CADPS: variants seen among roughly 807,000 people sequenced by gnomAD.
The protein encoded by CADPS is calcium-dependent secretion activator 1.
Under a neutral mutation model 167.3 loss-of-function variants are expected in CADPS, and 57 were observed. The observed-to-expected ratio is 0.34, with a 90% confidence interval of 0.28 to 0.42. CADPS has a LOEUF of 0.42. CADPS is among the 20% of genes least tolerant of loss of function. The pLI is 1.00. For synonymous variants in CADPS, 676 were observed against 635.3 expected, an observed-to-expected ratio of 1.06 and a Z score of -0.96; for missense variants, 1,414 against 1,738.1, an observed-to-expected ratio of 0.81 and a Z score of 3.32.
intron 17 of CADPS, among the ~76,000 whole-genome samples, chr3:62,511,313 CTACGTTGAATTAAT>C (rs2067772350): frequency 6.6e-6 from 1 of 152,154 alleles, no homozygotes; most frequent in Admixed American, 6.6e-5. Context: ...TGTTTTGCAG[CTACGTTGAATTAAT>C]TACAGAGTAG....
chr3:62,769,772 C>G (rs890856432), intron 1 of CADPS, among the ~76,000 whole-genome samples: 1 of 152,064 alleles, frequency 6.6e-6, no homozygotes, highest in African/African-American at 2.4e-5. Flanking sequence ...AGGAGTTGAG[C>G]GCACAGGCTT....
intron 1 of CADPS, among the ~76,000 whole-genome samples, chr3:62,841,351 C>A (rs1024680737): frequency 6.6e-6 from 1 of 152,164 alleles, no homozygotes; most frequent in South Asian, 2.1e-4. Context: ...TGGGTATTTT[C>A]CCCTTAGAGA....
chr3:62,552,730 T>C, intron 10 of CADPS, among the ~76,000 whole-genome samples: 1 of 152,208 alleles, frequency 6.6e-6, no homozygotes, highest in African/African-American at 2.4e-5. Flanking sequence ...ATTGATAGTT[T>C]TGCACTTGGA....
At chr3:62,440,287 T>C (rs889432443) in intron 27 of CADPS, 3 of 152,146 alleles carry the variant, frequency 2.0e-5, no homozygotes, top group African/African-American at 4.8e-5. Context: ...CTCCCACAAA[T>C]TGGAATTTGT....
chr3:62,570,496 C>A (rs2081085751), intron 9 of CADPS, among the ~76,000 whole-genome samples: 1 of 152,192 alleles, frequency 6.6e-6, no homozygotes, highest in Admixed American at 6.5e-5. Context: ...GTCCCTATAG[C>A]CCTCACTTGG....
At chr3:62,738,524 G>T (rs1410206154) in intron 3 of CADPS, among the ~76,000 whole-genome samples, 2 of 152,080 alleles carry the variant, frequency 1.3e-5, no homozygotes, top group Non-Finnish European at 2.9e-5. Context: ...AGGAGATCAA[G>T]ATCAGCCTGG....
intron 18 of CADPS, among the ~76,000 whole-genome samples, chr3:62,495,447 T>C (rs1387202008): frequency 1.3e-5 from 2 of 152,226 alleles, no homozygotes; most frequent in Non-Finnish European, 2.9e-5. Flanking sequence ...TACAGGTGAA[T>C]GCTATTTTTG....
intron 6 of CADPS, among the ~76,000 whole-genome samples, chr3:62,619,629 C>T (rs1401321700): frequency 3.3e-5 from 5 of 152,122 alleles, no homozygotes; most frequent in African/African-American, 7.2e-5. Context: ...ACCCCTCTGC[C>T]TCCCATTAGA....
intron 3 of CADPS, among the ~76,000 whole-genome samples, chr3:62,726,781 A>T (rs1325427272): frequency 6.6e-6 from 1 of 151,966 alleles, no homozygotes; most frequent in African/African-American, 2.4e-5. Context: ...ACCCTCAGAC[A>T]AAAATTCTTC....
intron 8 of CADPS, among the ~76,000 whole-genome samples, chr3:62,573,526 A>C (rs1368658234): frequency 2.0e-5 from 3 of 152,086 alleles, no homozygotes; most frequent in Non-Finnish European, 4.4e-5. Flanking sequence ...AAAACTTTTA[A>C]TTTTCCATCT....
At chr3:62,844,665 A>C (rs1334539616) in intron 1 of CADPS, among the ~76,000 whole-genome samples, 1 of 152,184 alleles carries the variant, frequency 6.6e-6, no homozygotes, top group African/African-American at 2.4e-5. Context: ...GAAGACCAAA[A>C]CTAGAGACTT....
intron 3 of CADPS, among the ~76,000 whole-genome samples, chr3:62,698,187 T>A (rs2080698454): frequency 6.6e-6 from 1 of 152,106 alleles, no homozygotes; most frequent in African/African-American, 2.4e-5. Context: ...CAGAGAGAGA[T>A]CATAAAGCAC....
intron 12 of CADPS, among the ~76,000 whole-genome samples, chr3:62,535,049 T>C (rs1292213140): frequency 1.3e-5 from 2 of 152,054 alleles, no homozygotes; most frequent in Non-Finnish European, 2.9e-5. Context: ...GGAAATAATA[T>C]ACCTCAAAAA....
chr3:62,703,527 C>T (rs924788958), intron 3 of CADPS, among the ~76,000 whole-genome samples: 1 of 152,118 alleles, frequency 6.6e-6, no homozygotes, highest in African/African-American at 2.4e-5. Flanking sequence ...CCTGTCCTGC[C>T]AGGAAGCTAA....
In CADPS at chr3:62,610,439, C is replaced by G. The variant is rs574934969; in HGVS notation, c.1326-17691G>C. On this transcript the variant is annotated intron_variant, in intron 6 of 29. Transcript: ENST00000383710. ...ATCATTTTTGTATTTTTACTAGAGA[C>G]AGGGTTTCACCGGGTTGGCCAGGCT... is the stretch of plus-strand genomic sequence containing the variant. Among the ~76,000 whole-genome samples, 25 of 152,098 alleles carry G rather than the reference C, an allele frequency of 1.6e-4. No homozygotes were observed. The South Asian group carries it at 4.8e-3, about 29-fold the overall frequency.
chr3:62,530,720 T>C, intron 13 of CADPS: 2 of 1,289,302 alleles, frequency 1.6e-6, no homozygotes, highest in Non-Finnish European at 2.0e-6. Flanking sequence ...TTTGGTATCT[T>C]TTTTAGCTTC....
At chr3:62,419,492 C>A (rs2050862191) in intron 28 of CADPS, among the ~76,000 whole-genome samples, 1 of 152,114 alleles carries the variant, frequency 6.6e-6, no homozygotes, top group South Asian at 2.1e-4. Flanking sequence ...TCTTTTAAAG[C>A]TTGATTATGT....
chr3:62,606,047 C>G (rs561787347), intron 6 of CADPS, among the ~76,000 whole-genome samples: 1 of 152,186 alleles, frequency 6.6e-6, no homozygotes, highest in Non-Finnish European at 1.5e-5. Context: ...TCCTCTCACT[C>G]CCAATCCTCT....
intron 6 of CADPS, among the ~76,000 whole-genome samples, chr3:62,595,854 G>T (rs1021965683): frequency 6.6e-6 from 1 of 152,056 alleles, no homozygotes; most frequent in Non-Finnish European, 1.5e-5. Flanking sequence ...GCAGCTTCCA[G>T]CGAATATAAA....
Sources: gnomAD v4.1 joint callset for allele counts (sites outside exome capture counted in the v4.1 genomes callset) on GRCh38, gnomAD v4.1.1 for gene constraint, MANE v1.5 for transcripts, NCBI Gene and HGNC (gene_info 2026-07-23, HGNC 2026-07-21) for gene names.